The following TTC6 variants were observed in gnomAD, a reference collection of about 807,000 sequenced individuals.
TTC6 encodes the protein tetratricopeptide repeat domain 6.
In TTC6, 172 loss-of-function variants were observed where a neutral mutation model predicts 210.4. The ratio of observed to expected loss-of-function variants is 0.82; its 90% CI spans 0.72 to 0.93. The LOEUF (loss-of-function observed/expected upper bound fraction) is 0.93. TTC6 is among the 40% of genes least tolerant of loss of function. The pLI is 0.00. For synonymous variants in TTC6, 804 were observed against 819.6 expected, an observed-to-expected ratio of 0.98 and a Z score of 0.32; for missense variants, 2,414 against 2,318.1, an observed-to-expected ratio of 1.04 and a Z score of -0.85.
intron 29 of TTC6, among the ~76,000 whole-genome samples, chr14:37,831,333 A>G (rs2096184572): frequency 1.3e-5 from 2 of 152,154 alleles, no homozygotes; most frequent in Non-Finnish European, 2.9e-5. Flanking sequence ...CTGCTGATGG[A>G]CACTTAGGGT....
At chr14:37,685,194 C>G (rs2095791443) in intron 3 of TTC6, among the ~76,000 whole-genome samples, 1 of 152,096 alleles carries the variant, frequency 6.6e-6, no homozygotes, top group Non-Finnish European at 1.5e-5. Flanking sequence ...TAGATATGAT[C>G]ACATGACCTG....
chr14:37,811,406 G>A (rs1254344534), intron 24 of TTC6, among the ~76,000 whole-genome samples: 12 of 152,154 alleles, frequency 7.9e-5, no homozygotes, highest in Admixed American at 7.9e-4. Context: ...AGACACTTGA[G>A]CACGCAACAT....
intron 1 of TTC6, among the ~76,000 whole-genome samples, chr14:37,672,408 AC>A (rs1445699960): frequency 1.3e-5 from 2 of 152,150 alleles, no homozygotes; most frequent in African/African-American, 2.4e-5. Flanking sequence ...ATTTTGAAAA[AC>A]ATTATTCTTC....
At chr14:37,732,452 G>A (rs1276466090) in intron 7 of TTC6, among the ~76,000 whole-genome samples, 1 of 151,604 alleles carries the variant, frequency 6.6e-6, no homozygotes, top group East Asian at 1.9e-4. Flanking sequence ...CAAAGTGCTG[G>A]GATTACAGTC....
intron 3 of TTC6, among the ~76,000 whole-genome samples, chr14:37,694,479 A>G (rs2095810602): frequency 6.6e-6 from 1 of 152,160 alleles, no homozygotes; most frequent in South Asian, 2.1e-4. Flanking sequence ...GTTGATGGGA[A>G]TGTAAATTAG....
intron 10 of TTC6, among the ~76,000 whole-genome samples, chr14:37,744,716 T>C (rs985874646): frequency 6.6e-6 from 1 of 152,160 alleles, no homozygotes; most frequent in Admixed American, 6.6e-5. Context: ...TTATAGGTTA[T>C]GGTAAAGACT....
chr14:37,604,709 T>C (rs1268702663), intron 1 of TTC6, among the ~76,000 whole-genome samples: 2 of 152,006 alleles, frequency 1.3e-5, no homozygotes, highest in Non-Finnish European at 2.9e-5. Context: ...GAAAATGAAA[T>C]CTGGGCTTCT....
chr14:37,607,944 TCTTA>T (rs1316329147), intron 2 of TTC6, among the ~76,000 whole-genome samples: 3 of 152,234 alleles, frequency 2.0e-5, no homozygotes, highest in African/African-American at 4.8e-5. Context: ...ATGCACATAC[TCTTA>T]CTAACTTTGT....
intron 29 of TTC6, among the ~76,000 whole-genome samples, chr14:37,830,491 C>G (rs1288518084): frequency 6.6e-6 from 1 of 151,394 alleles, no homozygotes; most frequent in Non-Finnish European, 1.5e-5. Flanking sequence ...TTGATTTATT[C>G]TTAATTTTTT....
chr14:37,662,872 T>TC (rs2095740195), intron 1 of TTC6, among the ~76,000 whole-genome samples: 1 of 152,214 alleles, frequency 6.6e-6, no homozygotes, highest in African/African-American at 2.4e-5. Context: ...CTATTTGGGC[T>TC]CTTTTTTGGT....
chr14:37,730,193 A>C (rs997120464), intron 7 of TTC6, among the ~76,000 whole-genome samples: 1 of 152,210 alleles, frequency 6.6e-6, no homozygotes, highest in African/African-American at 2.4e-5. Flanking sequence ...CTTATTTTTA[A>C]AAAGCAAATT....
intron 2 of TTC6, among the ~76,000 whole-genome samples, chr14:37,614,171 TA>T (rs1355253923): frequency 6.6e-6 from 1 of 152,150 alleles, no homozygotes; most frequent in African/African-American, 2.4e-5. Flanking sequence ...CAGTCTAAAA[TA>T]TTTTTTAAGA....
chr14:37,698,078 A>G (rs2095818065), intron 4 of TTC6, among the ~76,000 whole-genome samples: 1 of 152,194 alleles, frequency 6.6e-6, no homozygotes, highest in Admixed American at 6.5e-5. Context: ...CAAAAATTAG[A>G]AATTTTCATT....
intron 1 of TTC6, among the ~76,000 whole-genome samples, chr14:37,597,424 G>C (rs1447558716): frequency 6.6e-6 from 1 of 151,702 alleles, no homozygotes; most frequent in Non-Finnish European, 1.5e-5. Context: ...AGCTTTTATA[G>C]TGCACAAAAA....
chr14:37,661,619 G>A (rs189892019), intron 1 of TTC6, among the ~76,000 whole-genome samples: 137 of 152,164 alleles, frequency 9.0e-4, no homozygotes, highest in African/African-American at 2.6e-3. Context: ...CTCCAGCTTT[G>A]TTCTTTTCTC....
At chr14:37,605,088 C>T (rs2095622692) in intron 1 of TTC6, among the ~76,000 whole-genome samples, 1 of 152,148 alleles carries the variant, frequency 6.6e-6, no homozygotes, top group Admixed American at 6.6e-5. Context: ...TAGTGGGATG[C>T]TAAAGTTTAA....
At chr14:37,639,355 C>A (rs866393967) in intron 1 of TTC6, among the ~76,000 whole-genome samples, 4 of 152,326 alleles carry the variant, frequency 2.6e-5, no homozygotes, top group Middle Eastern at 3.4e-3. Context: ...ACTACAGACA[C>A]TTTTATTACA....
chr14:37,604,588 C>G (rs1349711703), intron 1 of TTC6, among the ~76,000 whole-genome samples: 2 of 152,108 alleles, frequency 1.3e-5, no homozygotes, highest in African/African-American at 4.8e-5. Context: ...GGGCATGCCT[C>G]TCTCAGAGAC....
intron 28 of TTC6, 141 bp downstream of exon 30, chr14:37,826,488 A>C: frequency 1.3e-6 from 1 of 790,190 alleles, no homozygotes; most frequent in Non-Finnish European, 1.8e-6. Flanking sequence ...AACCCAAGTG[A>C]TCCCTAGGGT....
Sources: allele counts gnomAD v4.1 joint callset (sites outside exome capture counted in the v4.1 genomes callset), GRCh38; gene constraint gnomAD v4.1.1; transcripts MANE v1.5; gene names NCBI Gene and HGNC (gene_info 2026-07-23, HGNC 2026-07-21).